The following POLD2 variants were observed in gnomAD, a reference collection of about 807,000 sequenced individuals.
POLD2 encodes DNA polymerase delta 2, accessory subunit.
Under a neutral mutation model 48.8 loss-of-function variants are expected in POLD2, and 31 were observed. The observed-to-expected ratio is 0.64, with a 90% confidence interval of 0.48 to 0.86. The LOEUF (loss-of-function observed/expected upper bound fraction) is 0.86. POLD2 is among the 40% of genes least tolerant of loss of function. The pLI is 0.00. For missense variants in POLD2, 455 were observed against 610.1 expected (o/e 0.75, Z 2.68); for synonymous variants, 233 against 256.3 (o/e 0.91, Z 0.87).
In POLD2 at chr7:44,117,261, G is replaced by A. The variant is rs2128811039; in HGVS notation, c.467-14C>T. ...CCAGGACAGTCCCTGGGGAGCAGTGGCATCAGGCCTGAGCAGGGAGCCCCA... is the reference window on the plus strand; with the variant it reads ...CCAGGACAGTCCCTGGGGAGCAGTGACATCAGGCCTGAGCAGGGAGCCCCA... On this transcript the variant is annotated splice_polypyrimidine_tract_variant and intron_variant, in intron 4 of 10. Transcript: ENST00000610533. 1.3e-6 allele frequency: 2 copies of A among 1,596,158 alleles called. No individual in the cohort carries two copies. The highest frequency in any genetic ancestry group is 2.2e-5 in the South Asian group (2 of 90,282).
chr7:44,123,281 G>C (rs1308695149), intron 1 of POLD2: 1 of 1,361,416 alleles, frequency 7.3e-7, no homozygotes, highest in Admixed American at 4.0e-5. Flanking sequence ...TGACTCGTTA[G>C]GAGCTTTTGG....
chr7:44,123,548 T>C lies in POLD2; in HGVS notation c.-94A>G. The C allele has an allele frequency of 2.7e-6, 4 of 1,484,402 alleles. No homozygotes were observed. In the South Asian group the frequency reaches 5.1e-5, roughly 19 times the overall value. 92.0% of individuals were successfully genotyped at this position (1,484,402 alleles called of 1,614,324 possible). On this transcript the variant is annotated 5_prime_UTR_variant, in exon 1 of 11. Transcript: ENST00000610533. ...CGCATCCCGCCAATCCCCGCGCGCC[T>C]GCCCCGCCCATCGCCGCAACTCGCT...
chr7:44,122,351 A>G, intron 1 of POLD2: 1 of 1,296,128 alleles, frequency 7.7e-7, no homozygotes, highest in East Asian at 3.3e-5. Context: ...TTCTTCCCGA[A>G]CCCTAGACTC....
intron 10 of POLD2, 140 bp downstream of exon 10, chr7:44,115,155 C>A: frequency 1.3e-6 from 1 of 758,100 alleles, no homozygotes; most frequent in Non-Finnish European, 2.3e-6. Flanking sequence ...AGTGAAATGG[C>A]AGCTGTGCAG....
In POLD2 at chr7:44,115,877, C is replaced by T; in HGVS notation, c.1036G>A (p.Gly346Arg). 2 of 1,614,238 alleles carry T rather than the reference C, an allele frequency of 1.2e-6. No homozygotes were observed. The highest frequency in any genetic ancestry group is 1.7e-6 in the Non-Finnish European group (2 of 1,180,032). ...CGGAAAATGTCACTCACGTTCTGTC[C>T]TGATGTCCCCAAAAATCTGCAAGGC... is the stretch of plus-strand genomic sequence containing the variant. Reference protein sequence around the residue: ...IDGVRFLGTSGQNVSDIFRYS... With the variant: ...IDGVRFLGTSRQNVSDIFRYS... The change falls in exon 9 of 11, where the codon GGA (glycine) becomes AGA (arginine). Residue 346 changes from glycine (G) to arginine (R), a missense_variant. Coordinates refer to ENST00000610533, the MANE Select transcript of POLD2 (RefSeq NM_006230.4).
chr7:44,117,651 T>C lies in POLD2; in HGVS notation c.434A>G (p.Lys145Arg). Residue 145 changes from lysine to arginine, a missense_variant, in exon 4 of 11, where the codon AAA becomes AGA. Lys to Arg is a conservative substitution (Grantham distance 26). This residue lies in a region of POLD2 where 349 missense variants were observed against 437.4 expected (regional missense o/e 0.80). Transcript: ENST00000610533. ...LEDELQRIKL[K>R]GTIDVSKLVT... Reference sequence around the variant, plus strand: ...CAGCTTTGACACGTCAATGGTGCCTTTTAGTTTGATACGCTGCAGTTCATC... The same window carrying C: ...CAGCTTTGACACGTCAATGGTGCCTCTTAGTTTGATACGCTGCAGTTCATC... 1 of 1,608,996 alleles carries C rather than the reference T, an allele frequency of 6.2e-7. No homozygotes were observed. The highest frequency in any genetic ancestry group is 8.5e-7 in the Non-Finnish European group (1 of 1,177,644).
At chr7:44,115,627 T>G in intron 9 of POLD2, 139 bp downstream of exon 9, 3 of 987,782 alleles carry the variant, frequency 3.0e-6, no homozygotes, top group Non-Finnish European at 4.4e-6. Context: ...CCAGAGCAGG[T>G]GCCAAGCCTC....
At position 44,121,053 on chromosome 7, in the gene POLD2, G is replaced by A. The variant is rs1458168808; in HGVS notation, c.220+781C>T. Among the ~76,000 whole-genome samples the A allele has an allele frequency of 6.6e-6, 1 of 152,168 alleles. No individual in the cohort carries two copies. The highest frequency in any genetic ancestry group is 1.5e-5 in the Non-Finnish European group (1 of 68,038). On this transcript the variant is annotated intron_variant, in intron 2 of 10. Transcript: ENST00000610533. This position sits in a 1 kb window ranked among gnomAD's most constrained non-coding sequence, Gnocchi z 4.5. ...TGCAACTAGGGCTGAGATCCATTTT[G>A]CCTGGTGCCAAGGACAGTAAAAATG... is the stretch of plus-strand genomic sequence containing the variant.
chr7:44,118,089 A>T lies in POLD2; in HGVS notation c.221-25T>A, dbSNP rs184649304. 1.4e-4 allele frequency: 226 copies of T among 1,612,676 alleles called. 1 individual carries two copies. The African/African-American group carries it at 2.6e-3, about 18-fold the overall frequency. ...CCTGGGACACGAGGGGTACAGACTCAGAGATGAAGTAGCCCCCCCGCCCGA... is the reference window on the plus strand; with the variant it reads ...CCTGGGACACGAGGGGTACAGACTCTGAGATGAAGTAGCCCCCCCGCCCGA... On this transcript the variant is annotated intron_variant, in intron 2 of 10. Coordinates refer to ENST00000610533, the MANE Select transcript of POLD2 (RefSeq NM_006230.4).
chr7:44,116,651 C>T lies in POLD2; in HGVS notation c.781-141G>A. ...AGCCTCCCACCATCCTCAGCGAGGG[C>T]CTGGGCATGAGGAGCCCCATTGCAG... On this transcript the variant is annotated intron_variant, in intron 6 of 10. Transcript: ENST00000610533. This position sits in a 1 kb window ranked among gnomAD's most constrained non-coding sequence, Gnocchi z 6.1. 2 of 1,004,314 alleles carry T rather than the reference C, an allele frequency of 2.0e-6. No individual in the cohort carries two copies. Among genetic ancestry groups the T allele is most frequent in the Non-Finnish European group, 3.0e-6 (2 of 671,032 alleles). 62.2% of individuals were successfully genotyped at this position (1,004,314 alleles called of 1,614,324 possible).
chr7:44,122,499 A>C, intron 1 of POLD2: 11 of 996,552 alleles, frequency 1.1e-5, no homozygotes, highest in Non-Finnish European at 1.3e-5. Context: ...TTATTAAATA[A>C]AACTTCTGTG....
rs922963950 is a variant in POLD2, at chr7:44,117,978, G to A, written c.307C>T (p.Leu103=). ...ACCTCCCGCAGGATGGAGGGCTGCAGCGGCATGGCCTTGAACAGAGTGCCC... is the reference window on the plus strand; with the variant it reads ...ACCTCCCGCAGGATGGAGGGCTGCAACGGCATGGCCTTGAACAGAGTGCCC... ...VVGTLFKAMP[L]QPSILREVSE... Residue 103 remains leucine, a synonymous_variant, in exon 3 of 11, where the codon CTG becomes TTG. Transcript: ENST00000610533. 2 of 1,614,096 alleles carry A rather than the reference G, an allele frequency of 1.2e-6. No homozygotes were observed. The highest frequency in any genetic ancestry group is 1.7e-6 in the Non-Finnish European group (2 of 1,180,040).
chr7:44,118,288 G>C (rs1472448687), intron 2 of POLD2: 5 of 495,242 alleles, frequency 1.0e-5, no homozygotes, highest in Non-Finnish European at 3.6e-6. Flanking sequence ...TGGATGCCAA[G>C]TGTCCTCATG....
rs747662025 is a variant in POLD2, at chr7:44,115,809, G to C, written c.1104C>G (p.Thr368=). 3.7e-6 allele frequency: 6 copies of C among 1,614,070 alleles called. No homozygotes were observed. The highest frequency in any genetic ancestry group is 5.1e-6 in the Non-Finnish European group (6 of 1,179,988). ...TGGGGCTGATGTGACGGACCCGCAGGGTCCACTCCAGGATCTCCAAGTGAT... is the reference window on the plus strand; with the variant it reads ...TGGGGCTGATGTGACGGACCCGCAGCGTCCACTCCAGGATCTCCAAGTGAT... ...MEDHLEILEW[T]LRVRHISPTA... The change falls in exon 9 of 11, where the codon ACC becomes ACG. Residue 368 remains threonine, a synonymous_variant. Transcript: ENST00000610533.
At chr7:44,115,077 C>T (rs1233962632) in intron 10 of POLD2, 132 bp from the exon 11 acceptor site, 1 of 901,868 alleles carries the variant, frequency 1.1e-6, no homozygotes, top group Non-Finnish European at 1.7e-6. Flanking sequence ...AGAGATTAGC[C>T]TTGAGAGGCA....
chr7:44,117,563 C>T (rs1361311395), intron 4 of POLD2, 56 bp downstream of exon 4: 5 of 1,560,894 alleles, frequency 3.2e-6, no homozygotes, highest in African/African-American at 2.7e-5. Flanking sequence ...ATCCCTAACA[C>T]ACCACCGCTG....
chr7:44,114,817 C>G lies in POLD2; in HGVS notation c.1378G>C (p.Asp460His). Residue 460 changes from aspartate (D) to histidine (H), a missense_variant, in exon 11 of 11, where the codon GAT becomes CAT. Coordinates refer to ENST00000610533, the MANE Select transcript of POLD2 (RefSeq NM_006230.4). ...ISFSGFGAED[D>H]DLGGLGLGP ...CCCAGCCCCAGGCCTCCCAGGTCAT[C>G]GTCCTCTGCCCCGAAGCCCGAGAAG... The G allele has an allele frequency of 1.9e-6, 3 of 1,613,136 alleles. No homozygotes were observed. Among genetic ancestry groups the G allele is most frequent in the Non-Finnish European group, 2.5e-6 (3 of 1,179,226 alleles).
Position 44,115,419 on chromosome 7 carries a change from G to A in POLD2, c.1148-23C>T, listed in dbSNP as rs749616843. The A allele has an allele frequency of 1.2e-5, 17 of 1,469,172 alleles. No individual in the cohort carries two copies. In the South Asian group the frequency reaches 1.9e-4, roughly 17 times the overall value. 91.0% of individuals were successfully genotyped at this position (1,469,172 alleles called of 1,614,324 possible). Reference sequence around the variant, plus strand: ...AACCTGGAGGAGAAGGGGCAGCTCTGAGGAGGGTTCCGCCTCAGCACTAGC... The same window carrying A: ...AACCTGGAGGAGAAGGGGCAGCTCTAAGGAGGGTTCCGCCTCAGCACTAGC... On this transcript the variant is annotated intron_variant, in intron 9 of 10. Transcript: ENST00000610533.
chr7:44,119,956 T>C (rs550138456), intron 2 of POLD2, among the ~76,000 whole-genome samples: 1 of 152,206 alleles, frequency 6.6e-6, no homozygotes, highest in African/African-American at 2.4e-5. Context: ...GGGGCTTAGA[T>C]GGGGCCATGG....
Sources: gnomAD v4.1 joint callset for allele counts (sites outside exome capture counted in the v4.1 genomes callset) on GRCh38, gnomAD v4.1.1 for gene constraint, gnomAD v4.1.1 regional missense constraint, Gnocchi (gnomAD v3.1) non-coding constraint, MANE v1.5 for transcripts, NCBI Gene and HGNC (gene_info 2026-07-23, HGNC 2026-07-21) for gene names.